The following OXCT1 variants were observed in gnomAD, a reference collection of about 807,000 sequenced individuals.
OXCT1 encodes the protein succinyl-CoA:3-ketoacid coenzyme A transferase 1, mitochondrial.
A neutral mutation model predicts 69.6 loss-of-function variants in OXCT1; 27 were observed. The observed-to-expected ratio is 0.39, with a 90% CI of 0.29 to 0.54. The LOEUF (loss-of-function observed/expected upper bound fraction) is 0.54, where lower values mean the gene tolerates loss of function less well. OXCT1 is among the 20% of genes least tolerant of loss of function. The pLI, the probability that OXCT1 is intolerant of heterozygous loss-of-function variation, is 0.72. For missense variants in OXCT1, 437 were observed against 650.2 expected, an observed-to-expected ratio of 0.67 and a Z score of 3.57; for synonymous variants, 202 against 217.8, an observed-to-expected ratio of 0.93 and a Z score of 0.64.
Position 41,870,314 on chromosome 5 carries a change from G to A in OXCT1, c.45C>T (p.Ala15=), listed in dbSNP as rs200780942. 1.1e-5 allele frequency: 17 copies of A among 1,614,034 alleles called. No homozygotes were observed. In the East Asian group the frequency reaches 3.6e-4, roughly 34 times the overall value. The change falls in exon 1 of 17, where the codon GCC becomes GCT. Residue 15 remains alanine (A), a synonymous_variant. Transcript: ENST00000196371. The surrounding 1 kb of genome is among the most constrained non-coding windows in gnomAD (Gnocchi z 4.2). ...AGGTTGCCCCAGATCCGCGGGCAGAGGCGCAGAGCCGAAGCCCGGAGGAGA... is the reference window on the plus strand; with the variant it reads ...AGGTTGCCCCAGATCCGCGGGCAGAAGCGCAGAGCCGAAGCCCGGAGGAGA... The part of the protein sequence containing the change: ...KLLSSGLRLC[A]SARGSGATWY...
intron 3 of OXCT1, among the ~76,000 whole-genome samples, chr5:41,856,056 T>G (rs1005513122): frequency 1.3e-5 from 2 of 152,316 alleles, no homozygotes; most frequent in East Asian, 1.9e-4. Context: ...CCAGTTGTGA[T>G]CAGCCTTGTG....
intron 11 of OXCT1, among the ~76,000 whole-genome samples, chr5:41,799,029 T>C (rs905581140): frequency 6.6e-6 from 1 of 152,232 alleles, no homozygotes; most frequent in Non-Finnish European, 1.5e-5. Context: ...TGTGAAAAAG[T>C]ATGCTCTAAG....
At chr5:41,808,384 C>T (rs556934426) in intron 7 of OXCT1, among the ~76,000 whole-genome samples, 47 of 152,148 alleles carry the variant, frequency 3.1e-4, no homozygotes, top group African/African-American at 1.1e-3. Flanking sequence ...AAACTAATCA[C>T]TGAAATCTGG....
Position 41,736,921 on chromosome 5 carries a change from T to C in OXCT1, c.1521+2469A>G, listed in dbSNP as rs141176516. ...AGTGATAACCACAGGGAATATTTTC[T>C]AAATTAGGACATGGAATGTCTTCTG... On this transcript the variant is annotated intron_variant, in intron 16 of 16. Transcript: ENST00000196371. 1.0e-3 allele frequency among the ~76,000 whole-genome samples: 159 copies of C among 152,354 alleles called. 1 individual carries two copies. The highest frequency in any genetic ancestry group is 1.9e-3 in the Non-Finnish European group (129 of 68,030).
rs1180441556 is a variant in OXCT1, at chr5:41,730,974, A to C, written c.*755T>G. On this transcript the variant is annotated 3_prime_UTR_variant, in exon 17 of 17. Coordinates refer to ENST00000196371, the MANE Select transcript of OXCT1 (RefSeq NM_000436.4). The stretch of plus-strand genomic sequence containing the variant: ...CTTGGCTTGAGAGGAGGTACAGTAC[A>C]AGTAGCCCACAGGGTCTCAATAACA... The C allele has an allele frequency of 6.6e-6, 1 of 152,138 alleles. No individual in the cohort carries two copies. The highest frequency in any genetic ancestry group is 1.5e-5 in the Non-Finnish European group (1 of 68,050). 9.4% of individuals were successfully genotyped at this position (152,138 alleles called of 1,614,324 possible).
At chr5:41,746,850 C>G (rs975053787) in intron 15 of OXCT1, among the ~76,000 whole-genome samples, 1 of 152,094 alleles carries the variant, frequency 6.6e-6, no homozygotes, top group Non-Finnish European at 1.5e-5. Flanking sequence ...GTCAACTATT[C>G]TCTCTAGTCA....
chr5:41,784,223 T>C (rs912526624), intron 13 of OXCT1, among the ~76,000 whole-genome samples: 5 of 152,212 alleles, frequency 3.3e-5, no homozygotes, highest in African/African-American at 1.2e-4. Context: ...AAGAATTCTT[T>C]GATTGGTAGA....
intron 7 of OXCT1, among the ~76,000 whole-genome samples, chr5:41,816,039 G>C (rs1309530733): frequency 6.6e-6 from 1 of 152,160 alleles, no homozygotes; most frequent in Non-Finnish European, 1.5e-5. Flanking sequence ...AGCATTTCCA[G>C]AACACAGTTA....
chr5:41,815,750 C>G (rs1747210195), intron 7 of OXCT1, among the ~76,000 whole-genome samples: 1 of 151,966 alleles, frequency 6.6e-6, no homozygotes, highest in African/African-American at 2.4e-5. Flanking sequence ...CCAAGGAAAA[C>G]AGGGAGACAT....
Position 41,859,575 on chromosome 5 carries a change from A to G in OXCT1, c.278+1739T>C, listed in dbSNP as rs76458342. On this transcript the variant is annotated intron_variant, in intron 3 of 16. Transcript: ENST00000196371. ...CTTCTGTAGTTACATGAGACAAATGAAATCTTTCATGAGCTGAGCACAGAA... is the reference window on the plus strand; with the variant it reads ...CTTCTGTAGTTACATGAGACAAATGGAATCTTTCATGAGCTGAGCACAGAA... Among the ~76,000 whole-genome samples, 790 of 152,216 alleles carry G rather than the reference A, an allele frequency of 5.2e-3. 8 individuals are homozygous for G. Among genetic ancestry groups the G allele is most frequent in the African/African-American group, 0.018 (730 of 41,536 alleles).
chr5:41,836,667 C>T (rs1390077675), intron 7 of OXCT1, among the ~76,000 whole-genome samples: 2 of 152,118 alleles, frequency 1.3e-5, no homozygotes, highest in Non-Finnish European at 2.9e-5. Flanking sequence ...CAACCTAGAT[C>T]CCTCACATGC....
At chr5:41,865,641 A>C (rs1021758118) in intron 1 of OXCT1, among the ~76,000 whole-genome samples, 3 of 152,194 alleles carry the variant, frequency 2.0e-5, no homozygotes, top group Non-Finnish European at 4.4e-5. Context: ...TCTTGGGATC[A>C]AAAAATACCC....
At chr5:41,742,034 A>G (rs917871128) in intron 15 of OXCT1, among the ~76,000 whole-genome samples, 1 of 152,200 alleles carries the variant, frequency 6.6e-6, no homozygotes, top group Non-Finnish European at 1.5e-5. Context: ...AGAAAAAAAG[A>G]GCATCTGGAT....
chr5:41,754,729 CAGGACT>C (rs1447884992), intron 14 of OXCT1, among the ~76,000 whole-genome samples: 1 of 152,050 alleles, frequency 6.6e-6, no homozygotes, highest in Non-Finnish European at 1.5e-5. Context: ...ACAATCCACT[CAGGACT>C]TCAGTAGAGA....
chr5:41,856,310 C>A (rs981324262), intron 3 of OXCT1, among the ~76,000 whole-genome samples: 5 of 152,100 alleles, frequency 3.3e-5, no homozygotes, highest in Admixed American at 2.6e-4. Context: ...AAGCTGCAGA[C>A]CCACTCCAGA....
intron 7 of OXCT1, among the ~76,000 whole-genome samples, chr5:41,817,807 C>T (rs895958782): frequency 8.5e-5 from 13 of 152,132 alleles, no homozygotes; most frequent in Admixed American, 3.3e-4. Flanking sequence ...AAAAGGCACA[C>T]CTTGAGATAA....
intron 11 of OXCT1, among the ~76,000 whole-genome samples, chr5:41,796,054 A>C (rs572586369): frequency 2.6e-5 from 4 of 152,182 alleles, no homozygotes; most frequent in Non-Finnish European, 5.9e-5. Context: ...GGATTTTCAT[A>C]AAATCAGGGA....
chr5:41,845,723 T>C lies in OXCT1; in HGVS notation c.565-2942A>G, dbSNP rs76664050. ...CTCATATTTTCACGAGGTGAATTAA[T>C]TTTTCAACTTCTAGCAAGCTATCAA... On this transcript the variant is annotated intron_variant, in intron 5 of 16. Transcript: ENST00000196371. Among the ~76,000 whole-genome samples the C allele has an allele frequency of 2.0e-4, 30 of 152,318 alleles. No individual in the cohort carries two copies. In the East Asian group the frequency reaches 5.6e-3, roughly 28 times the overall value.
At chr5:41,785,133 C>T (rs934056051) in intron 13 of OXCT1, among the ~76,000 whole-genome samples, 1 of 152,176 alleles carries the variant, frequency 6.6e-6, no homozygotes, top group Non-Finnish European at 1.5e-5. Context: ...AAAAAAAATG[C>T]ATGCCCATTT....
Sources: allele counts gnomAD v4.1 joint callset (sites outside exome capture counted in the v4.1 genomes callset), GRCh38; gene constraint gnomAD v4.1.1; non-coding constraint Gnocchi (gnomAD v3.1); transcripts MANE v1.5; gene names NCBI Gene and HGNC (gene_info 2026-07-23, HGNC 2026-07-21).